SPAG16: variants seen among roughly 807,000 people sequenced by gnomAD.
SPAG16 encodes sperm-associated antigen 16 protein.
Under a neutral mutation model 80.4 loss-of-function variants are expected in SPAG16, and 86 were observed. The ratio of observed to expected loss-of-function variants is 1.07; its 90% CI spans 0.90 to 1.28. The LOEUF is 1.28. Ranked by LOEUF, SPAG16 falls within the 50% of genes most tolerant of loss-of-function variation. SPAG16 has a pLI of 0.00. For missense variants in SPAG16, 870 were observed against 765.3 expected (o/e 1.14, Z -1.61); for synonymous variants, 294 against 265.9 (o/e 1.11, Z -1.03).
rs142227235 is a variant in SPAG16, at chr2:213,460,658, G to A, written c.943-29305G>A. Among the ~76,000 whole-genome samples the A allele has an allele frequency of 4.7e-3, 719 of 152,246 alleles. 9 individuals carry two copies. Among genetic ancestry groups the A allele is most frequent in the African/African-American group, 0.016 (674 of 41,544 alleles). The stretch of plus-strand genomic sequence containing the variant: ...AATGCATAGTAAATTTGATATACAT[G>A]TGCATGGCTAGAAGTCAAAAGATAG... On this transcript the variant is annotated intron_variant, in intron 9 of 15. Coordinates refer to ENST00000331683, the MANE Select transcript of SPAG16 (RefSeq NM_024532.5).
chr2:213,710,983 A>T (rs1401750986), intron 10 of SPAG16, among the ~76,000 whole-genome samples: 4 of 152,184 alleles, frequency 2.6e-5, no homozygotes, highest in African/African-American at 9.7e-5. Flanking sequence ...AATTGTAATA[A>T]TATAGGAATA....
At chr2:213,912,688 GTAGT>G (rs1407479703) in intron 11 of SPAG16, among the ~76,000 whole-genome samples, 1 of 152,110 alleles carries the variant, frequency 6.6e-6, no homozygotes, top group Non-Finnish European at 1.5e-5. Flanking sequence ...TAGCCATTGA[GTAGT>G]TACTGTGCCT....
At chr2:214,043,516 C>G (rs2125102805) in intron 13 of SPAG16, among the ~76,000 whole-genome samples, 1 of 152,178 alleles carries the variant, frequency 6.6e-6, no homozygotes, top group African/African-American at 2.4e-5. Context: ...CTGTGATTTT[C>G]TCTTTTGTAT....
chr2:214,104,703 G>A (rs750198634), intron 13 of SPAG16, among the ~76,000 whole-genome samples: 24 of 152,148 alleles, frequency 1.6e-4, no homozygotes, highest in Admixed American at 4.6e-4. Flanking sequence ...TTGGGAAGTA[G>A]TAAATCAACA....
At chr2:214,192,123 T>C (rs1210896751) in intron 15 of SPAG16, among the ~76,000 whole-genome samples, 1 of 152,118 alleles carries the variant, frequency 6.6e-6, no homozygotes, top group African/African-American at 2.4e-5. Flanking sequence ...CCTTTCTAGG[T>C]AGAAGTTTAT....
intron 2 of SPAG16, among the ~76,000 whole-genome samples, 170 bp downstream of exon 2, chr2:213,296,280 T>G (rs1473273692): frequency 6.6e-6 from 1 of 152,188 alleles, no homozygotes; most frequent in East Asian, 1.9e-4. Context: ...ATGTGAAAAT[T>G]CTGTTTAAAC....
At chr2:214,185,165 C>G (rs2057428942) in intron 15 of SPAG16, among the ~76,000 whole-genome samples, 2 of 152,070 alleles carry the variant, frequency 1.3e-5, no homozygotes, top group African/African-American at 4.8e-5. Flanking sequence ...TAGAGGCTCA[C>G]TGCTTTCTAA....
chr2:213,510,877 A>G (rs982043630), intron 10 of SPAG16, among the ~76,000 whole-genome samples: 1 of 152,138 alleles, frequency 6.6e-6, no homozygotes, highest in Non-Finnish European at 1.5e-5. Context: ...CCTGGAACCA[A>G]TTTATAGTTC....
intron 10 of SPAG16, among the ~76,000 whole-genome samples, chr2:213,727,174 G>T (rs1186650102): frequency 6.6e-6 from 1 of 152,076 alleles, no homozygotes; most frequent in African/African-American, 2.4e-5. Context: ...TATCATACAG[G>T]AATATTGGTT....
At chr2:214,104,103 C>T (rs1332243737) in intron 13 of SPAG16, among the ~76,000 whole-genome samples, 1 of 152,276 alleles carries the variant, frequency 6.6e-6, no homozygotes, top group African/African-American at 2.4e-5. Flanking sequence ...GTCCCTGTAT[C>T]TCCCCAGGGG....
intron 10 of SPAG16, among the ~76,000 whole-genome samples, chr2:213,495,868 G>C (rs1289533649): frequency 6.6e-6 from 1 of 152,154 alleles, no homozygotes; most frequent in Non-Finnish European, 1.5e-5. Context: ...GAACAGCAAG[G>C]GGTCCGGCAT....
chr2:213,679,824 A>G (rs546579468), intron 10 of SPAG16, among the ~76,000 whole-genome samples: 17 of 152,302 alleles, frequency 1.1e-4, no homozygotes, highest in Middle Eastern at 6.8e-3. Flanking sequence ...GGTAAAGTAC[A>G]TGGAAGACTA....
chr2:214,238,188 T>C lies in SPAG16; in HGVS notation c.1720+88922T>C, dbSNP rs992810701. 2.7e-5 allele frequency: 12 copies of C among 436,742 alleles called. No individual in the cohort carries two copies. In the East Asian group the frequency reaches 5.8e-4, roughly 21 times the overall value. 27.1% of individuals were successfully genotyped at this position (436,742 alleles called of 1,614,324 possible). On this transcript the variant is annotated intron_variant, in intron 15 of 15. Coordinates refer to ENST00000331683, the MANE Select transcript of SPAG16 (RefSeq NM_024532.5). The stretch of plus-strand genomic sequence containing the variant: ...GAGCTCAGATATATTATTTCCAGCT[T>C]TCTTGATGTTACCTCAAATTGAAGT...
intron 13 of SPAG16, among the ~76,000 whole-genome samples, chr2:214,040,223 T>C (rs1043053900): frequency 1.3e-5 from 2 of 152,208 alleles, no homozygotes; most frequent in African/African-American, 4.8e-5. Context: ...TCTATCCTCC[T>C]AGCCTGGTGG....
intron 10 of SPAG16, among the ~76,000 whole-genome samples, chr2:213,741,303 G>A (rs1042893847): frequency 2.6e-5 from 4 of 152,052 alleles, no homozygotes; most frequent in Non-Finnish European, 5.9e-5. Flanking sequence ...AATAAAGGAA[G>A]TTAAGGACAG....
At chr2:214,154,922 A>G (rs1576367192) in intron 15 of SPAG16, among the ~76,000 whole-genome samples, 1 of 152,326 alleles carries the variant, frequency 6.6e-6, no homozygotes, top group East Asian at 1.9e-4. Context: ...CAGACATGTA[A>G]TATTTGGCAA....
chr2:213,723,546 A>G (rs146841075), intron 10 of SPAG16, among the ~76,000 whole-genome samples: 27 of 152,314 alleles, frequency 1.8e-4, no homozygotes, highest in Admixed American at 9.1e-4. Context: ...AAATTTTACC[A>G]ATAGCTTCAA....
At position 213,789,293 on chromosome 2, in the gene SPAG16, T is replaced by C. The variant is rs866890970; in HGVS notation, c.1071-73192T>C. 8.5e-5 allele frequency among the ~76,000 whole-genome samples: 13 copies of C among 152,132 alleles called. 1 individual carries two copies. The highest frequency in any genetic ancestry group is 3.4e-3 in the Middle Eastern group (1 of 294). ...TGAACACCATTTTTGACAGTTAGTGTGGGTCTTGATGTTTTATCAGCATTT... is the reference window on the plus strand; with the variant it reads ...TGAACACCATTTTTGACAGTTAGTGCGGGTCTTGATGTTTTATCAGCATTT... On this transcript the variant is annotated intron_variant, in intron 10 of 15. Transcript: ENST00000331683.
At chr2:214,073,737 C>A (rs2050926598) in intron 13 of SPAG16, among the ~76,000 whole-genome samples, 1 of 152,064 alleles carries the variant, frequency 6.6e-6, no homozygotes, top group South Asian at 2.1e-4. Context: ...AGGGATAGTA[C>A]AGACAAGCTT....
Sources: gnomAD v4.1 joint callset for allele counts (sites outside exome capture counted in the v4.1 genomes callset) on GRCh38, gnomAD v4.1.1 for gene constraint, MANE v1.5 for transcripts, NCBI Gene and HGNC (gene_info 2026-07-23, HGNC 2026-07-21) for gene names.